ADGRA1: variants seen among roughly 807,000 people sequenced by gnomAD.
ADGRA1 encodes adhesion G protein-coupled receptor A1, also known as G-protein coupled receptor 123.
In ADGRA1, 12 loss-of-function variants were observed where a neutral mutation model predicts 21.3. That is an observed-to-expected ratio of 0.56 (90% CI 0.36 to 0.91). The LOEUF is 0.91. ADGRA1 is among the 40% of genes least tolerant of loss of function. The probability of loss-of-function intolerance (pLI) is 0.01; values close to 1 mark genes in which losing one functional copy is unlikely to be tolerated. For synonymous variants in ADGRA1, 385 were observed against 368.8 expected (o/e 1.04, Z -0.50); for missense variants, 790 against 805.6 (o/e 0.98, Z 0.23).
At chr10:133,109,006 A>G (rs1453043927) in intron 5 of ADGRA1, among the ~76,000 whole-genome samples, 1 of 112,114 alleles carries the variant, frequency 8.9e-6, no homozygotes, top group Non-Finnish European at 1.8e-5. Context: ...CCACCCGTCC[A>G]TCAGTCCCAC....
chr10:133,088,210 C>G lies in ADGRA1; in HGVS notation c.-203+72C>G, dbSNP rs1038633728. The G allele has an allele frequency of 5.6e-5, 39 of 695,754 alleles. No individual in the cohort carries two copies. The African/African-American group carries it at 6.8e-4, about 12-fold the overall frequency. 43.1% of individuals were successfully genotyped at this position (695,754 alleles called of 1,614,324 possible). Reference sequence around the variant, plus strand: ...CGCGGCTCGGCAGAAAAGCTCGCGCCCCGAGGTGACACTGGCCGCGAGGAA... The same window carrying G: ...CGCGGCTCGGCAGAAAAGCTCGCGCGCCGAGGTGACACTGGCCGCGAGGAA... On this transcript the variant is annotated intron_variant, in intron 1 of 6. Transcript: ENST00000392607.
intron 3 of ADGRA1, among the ~76,000 whole-genome samples, chr10:133,097,381 T>C (rs182695927): frequency 6.6e-6 from 1 of 152,138 alleles, no homozygotes; most frequent in Non-Finnish European, 1.5e-5. Context: ...GCAAAATAAG[T>C]TCTTCCAGAA....
chr10:133,088,968 G>A (rs747901472), intron 2 of ADGRA1, 56 bp downstream of exon 2: 7 of 1,235,596 alleles, frequency 5.7e-6, no homozygotes, highest in South Asian at 4.1e-5. Context: ...CTGCGGGGGG[G>A]CGGCCACCCG....
At chr10:133,105,922 C>T (rs1410736497) in intron 5 of ADGRA1, among the ~76,000 whole-genome samples, 1 of 152,200 alleles carries the variant, frequency 6.6e-6, no homozygotes, top group Non-Finnish European at 1.5e-5. Flanking sequence ...GCCCTTGTTA[C>T]TAGGACAACC....
intron 5 of ADGRA1, among the ~76,000 whole-genome samples, chr10:133,126,624 C>G (rs1239409705): frequency 6.6e-6 from 1 of 152,194 alleles, no homozygotes; most frequent in African/African-American, 2.4e-5. Context: ...CCTGGGCGCC[C>G]TCAGCACCGT....
intron 5 of ADGRA1, among the ~76,000 whole-genome samples, chr10:133,115,244 C>G (rs147997906): frequency 6.6e-6 from 1 of 152,212 alleles, no homozygotes; most frequent in Non-Finnish European, 1.5e-5. Context: ...CCTCACCCCT[C>G]GGCCTTCCCC....
intron 5 of ADGRA1, among the ~76,000 whole-genome samples, chr10:133,107,717 C>T (rs2135884475): frequency 6.6e-6 from 1 of 152,244 alleles, no homozygotes; most frequent in South Asian, 2.1e-4. Context: ...TCCACATAGT[C>T]ATTTCTGCTT....
intron 1 of ADGRA1, 134 bp downstream of exon 1, chr10:133,088,272 G>C (rs1287396652): frequency 7.4e-6 from 2 of 268,910 alleles, no homozygotes; most frequent in Non-Finnish European, 1.1e-5. Context: ...GCTGGGGCGG[G>C]AGGCGCCACG....
intron 2 of ADGRA1, among the ~76,000 whole-genome samples, chr10:133,090,906 G>A (rs181563208): frequency 1.3e-3 from 191 of 152,348 alleles, no homozygotes; most frequent in Middle Eastern, 6.8e-3. Context: ...CAAAAGGCTG[G>A]TTTGTCGGCC....
intron 2 of ADGRA1, chr10:133,095,755 C>G: frequency 6.3e-7 from 1 of 1,598,558 alleles, no homozygotes; most frequent in Non-Finnish European, 8.5e-7. Flanking sequence ...CTCTCGGGCC[C>G]GCTGGCTGCC....
rs760437636 is a variant in ADGRA1, at chr10:133,130,623, C to T, written c.*1112C>T. The T allele has an allele frequency of 9.9e-5, 15 of 151,884 alleles. No individual in the cohort carries two copies. The highest frequency in any genetic ancestry group is 2.6e-4 in the Admixed American group (4 of 15,236). The allele number at this position is 151,884 out of a possible 1,614,324, so 9.4% of individuals were successfully genotyped here. ...CAGCTTTCCCTCCCTCCCTCTTCCT[C>T]CTTGTCTGTGACACATGTGCACCCA... On this transcript the variant is annotated 3_prime_UTR_variant, in exon 7 of 7. Transcript: ENST00000392607.
intron 4 of ADGRA1, among the ~76,000 whole-genome samples, chr10:133,101,833 G>A (rs944842036): frequency 2.0e-5 from 3 of 152,166 alleles, no homozygotes; most frequent in African/African-American, 7.2e-5. Context: ...CGGCGCACAG[G>A]GATCTCACCT....
At chr10:133,093,076 G>A (rs1742593006) in intron 2 of ADGRA1, 29 of 1,597,386 alleles carry the variant, frequency 1.8e-5, no homozygotes, top group Non-Finnish European at 2.5e-5. Flanking sequence ...AGGTTCCTCA[G>A]CCAGTTGGAG....
At chr10:133,099,566 A>G (rs2135873317) in intron 4 of ADGRA1, among the ~76,000 whole-genome samples, 1 of 152,104 alleles carries the variant, frequency 6.6e-6, no homozygotes, top group Non-Finnish European at 1.5e-5. Flanking sequence ...AAAAGGGGGG[A>G]CGTATACATC....
At chr10:133,105,167 C>T (rs899314768) in intron 5 of ADGRA1, among the ~76,000 whole-genome samples, 10 of 152,234 alleles carry the variant, frequency 6.6e-5, no homozygotes, top group Middle Eastern at 3.2e-3. Context: ...AGGGCACAGA[C>T]GCCTCTCCAG....
chr10:133,104,525 A>G (rs1564846566), intron 5 of ADGRA1, among the ~76,000 whole-genome samples: 1 of 152,160 alleles, frequency 6.6e-6, no homozygotes, highest in African/African-American at 2.4e-5. Flanking sequence ...CGGCGGACCC[A>G]GCGACGGCAA....
intron 4 of ADGRA1, among the ~76,000 whole-genome samples, chr10:133,100,569 C>T (rs1349841616): frequency 1.3e-5 from 2 of 152,204 alleles, no homozygotes; most frequent in Non-Finnish European, 2.9e-5. Context: ...GCAGGCAGGT[C>T]TGGAAGGTTC....
chr10:133,093,249 C>A, intron 2 of ADGRA1: 1 of 1,585,010 alleles, frequency 6.3e-7, no homozygotes. Flanking sequence ...CCTCTCACTG[C>A]TGCAGAAAGG....
rs930602868 is a variant in ADGRA1 at position 133,130,663 on chromosome 10, AAC to A, written c.*1156_*1157del. The A allele has an allele frequency of 1.5e-4, 22 of 151,570 alleles. No individual in the cohort carries two copies. The highest frequency in any genetic ancestry group is 4.6e-4 in the African/African-American group (19 of 41,114). 9.4% of individuals were successfully genotyped at this position (151,570 alleles called of 1,614,324 possible). A position where few individuals can be genotyped will look rare whatever the true frequency, so the allele number is the denominator to read the frequency against. On this transcript the variant is annotated 3_prime_UTR_variant, in exon 7 of 7. Transcript: ENST00000392607. ...ATGTGCACCCACACACACACACACA[AAC>A]ACATGTGCATATCACACACATGCAC...
Sources: gnomAD v4.1 joint callset for allele counts (sites outside exome capture counted in the v4.1 genomes callset) on GRCh38, gnomAD v4.1.1 for gene constraint, MANE v1.5 for transcripts, NCBI Gene and HGNC (gene_info 2026-07-23, HGNC 2026-07-21) for gene names.